SLC10A6: variants seen among roughly 807,000 people sequenced by gnomAD.
SLC10A6 encodes sodium-dependent organic anion transporter.
In SLC10A6, 27 loss-of-function variants were observed where a neutral mutation model predicts 30.0. That is an observed-to-expected ratio of 0.90 (90% confidence interval 0.66 to 1.24). SLC10A6 has a LOEUF of 1.24. SLC10A6 is among the 50% of genes most tolerant of loss of function. SLC10A6 has a pLI of 0.00. For synonymous variants in SLC10A6, 166 were observed against 173.8 expected (o/e 0.95, Z 0.36); for missense variants, 439 against 457.0 (o/e 0.96, Z 0.36).
At chr4:86,848,606 CT>C in intron 1 of SLC10A6, 132 bp downstream of exon 1, 1 of 1,202,130 alleles carries the variant, frequency 8.3e-7, no homozygotes. Context: ...CTGAACAAGT[CT>C]CTGTGATATT....
chr4:86,839,131 A>AT (rs1746249629), intron 1 of SLC10A6, among the ~76,000 whole-genome samples: 1 of 151,038 alleles, frequency 6.6e-6, no homozygotes, highest in Admixed American at 6.6e-5. Flanking sequence ...TTCTTTCATT[A>AT]TTTTTTCTTT....
At chr4:86,833,797 A>G (rs1354783693) in intron 1 of SLC10A6, among the ~76,000 whole-genome samples, 1 of 152,184 alleles carries the variant, frequency 6.6e-6, no homozygotes, top group Non-Finnish European at 1.5e-5. Context: ...AACATTATGC[A>G]ATAATAGCAC....
chr4:86,847,933 C>T (rs966122920), intron 1 of SLC10A6, among the ~76,000 whole-genome samples: 10 of 152,312 alleles, frequency 6.6e-5, no homozygotes, highest in African/African-American at 2.4e-4. Context: ...TGCTATCCCT[C>T]TACTCTTTCC....
rs370383109 is a variant in SLC10A6, at chr4:86,831,762, C to T, written c.585+30G>A. On this transcript the variant is annotated intron_variant, in intron 3 of 5. Transcript: ENST00000273905. ...TCTTTCAGGCCCCTGAGTCTGAGGA[C>T]GTGCCAACAGTGGCCATGAAGTCAC... 24 of 1,582,518 alleles carry T rather than the reference C, an allele frequency of 1.5e-5. No individual in the cohort carries two copies. In the African/African-American group the frequency reaches 1.6e-4, roughly 11 times the overall value.
Position 86,848,776 on chromosome 4 carries a change from T to A in SLC10A6, c.340A>T (p.Ile114Phe). The change falls in exon 1 of 6, where the codon ATT (isoleucine) becomes TTT (phenylalanine). Residue 114 changes from isoleucine to phenylalanine, a missense_variant. Coordinates refer to ENST00000273905, the MANE Select transcript of SLC10A6 (RefSeq NM_197965.3). The stretch of plus-strand genomic sequence containing the variant: ...TCTCCATCAACCCAGAAGGTGAAAA[T>A]GTTAGAGATGGTGCCCCCCGGGCAG... ...GCCPGGTISN[I>F]FTFWVDGDMD... 6.2e-7 allele frequency: 1 copy of A among 1,607,104 alleles called. No individual in the cohort carries two copies. Among genetic ancestry groups the A allele is most frequent in the Non-Finnish European group, 8.5e-7 (1 of 1,177,018 alleles).
intron 1 of SLC10A6, among the ~76,000 whole-genome samples, chr4:86,835,751 G>A (rs1197588272): frequency 6.6e-6 from 1 of 151,518 alleles, no homozygotes; most frequent in African/African-American, 2.4e-5. Context: ...AAGAAAGAGA[G>A]AGAGAGAGAG....
intron 1 of SLC10A6, 146 bp downstream of exon 1, chr4:86,848,593 T>C: frequency 2.7e-6 from 3 of 1,105,780 alleles, no homozygotes; most frequent in Middle Eastern, 2.8e-4. Flanking sequence ...AGCCCACCCA[T>C]GGCTGAACAA....
Position 86,849,350 on chromosome 4 carries a change from C to A in SLC10A6, c.-235G>T. ...ATAAACTGTGGTAAGTAAGGCTTTCCACTTCTGTTCTTACTCACCACTGAA... is the reference window on the plus strand; with the variant it reads ...ATAAACTGTGGTAAGTAAGGCTTTCAACTTCTGTTCTTACTCACCACTGAA... On this transcript the variant is annotated 5_prime_UTR_variant, in exon 1 of 6. Transcript: ENST00000273905. 1 of 528,718 alleles carries A rather than the reference C, an allele frequency of 1.9e-6. No homozygotes were observed. Among genetic ancestry groups the A allele is most frequent in the Non-Finnish European group, 3.3e-6 (1 of 300,226 alleles). The allele number at this position is 528,718 out of a possible 1,614,324, so 32.8% of individuals were successfully genotyped here.
rs1354748003 is a variant in SLC10A6 at position 86,844,875 on chromosome 4, GAGA to G, written c.377+3861_377+3863del. 3.9e-5 allele frequency among the ~76,000 whole-genome samples: 6 copies of G among 152,328 alleles called. No homozygotes were observed. The East Asian group carries it at 7.7e-4, about 20-fold the overall frequency. ...ACCTTCTTCACAAGGCAGCAAGAGA[GAGA>G]AGAAGAACAAAGGAGGAACTTCCAA... On this transcript the variant is annotated intron_variant, in intron 1 of 5. Coordinates refer to ENST00000273905, the MANE Select transcript of SLC10A6 (RefSeq NM_197965.3).
At chr4:86,832,039 TTA>T (rs902955161) in intron 2 of SLC10A6, among the ~76,000 whole-genome samples, 159 bp from the exon 3 acceptor site, 2 of 152,242 alleles carry the variant, frequency 1.3e-5, no homozygotes, top group Non-Finnish European at 1.5e-5. Context: ...GGCTCCAAAG[TTA>T]TATAAGCTGC....
At chr4:86,832,947 G>T (rs898509489) in intron 2 of SLC10A6, among the ~76,000 whole-genome samples, 1 of 152,064 alleles carries the variant, frequency 6.6e-6, no homozygotes, top group Non-Finnish European at 1.5e-5. Flanking sequence ...TTGCTTTATA[G>T]TCTAATTACA....
intron 3 of SLC10A6, among the ~76,000 whole-genome samples, chr4:86,829,327 C>T (rs1345069940): frequency 2.0e-5 from 3 of 152,144 alleles, no homozygotes; most frequent in African/African-American, 7.2e-5. Flanking sequence ...AGGAGAATTA[C>T]TTGAACCCAG....
intron 5 of SLC10A6, among the ~76,000 whole-genome samples, chr4:86,824,803 T>G (rs1210102467): frequency 6.6e-6 from 1 of 152,166 alleles, no homozygotes; most frequent in East Asian, 1.9e-4. Flanking sequence ...TAGCTCCCAC[T>G]TGTAAGTGAG....
In SLC10A6 at chr4:86,842,880, T is replaced by TA. The variant is rs1242095027; in HGVS notation, c.377+5858_377+5859insT. ...TTTCTTTCTTTCTTTCTTTCTTTTT[T>TA]TTTTTGAGATGGAGTCTCGCTCTGT... On this transcript the variant is annotated intron_variant, in intron 1 of 5. Coordinates refer to ENST00000273905, the MANE Select transcript of SLC10A6 (RefSeq NM_197965.3). 1.4e-4 allele frequency among the ~76,000 whole-genome samples: 16 copies of TA among 116,624 alleles called. 3 individuals carry two copies. Among genetic ancestry groups the TA allele is most frequent in the African/African-American group, 6.2e-4 (16 of 26,016 alleles). The allele number at this position is 116,624 out of a possible 152,430, so 76.5% of individuals were successfully genotyped here. A position where few individuals can be genotyped will look rare whatever the true frequency, so the allele number is the denominator to read the frequency against.
At chr4:86,844,402 CCCT>C (rs1388558534) in intron 1 of SLC10A6, among the ~76,000 whole-genome samples, 1 of 152,072 alleles carries the variant, frequency 6.6e-6, no homozygotes, top group Non-Finnish European at 1.5e-5. Context: ...AAAAAATGCC[CCCT>C]ATTCTTCACC....
At chr4:86,830,257 G>A (rs1323254802) in intron 3 of SLC10A6, among the ~76,000 whole-genome samples, 2 of 152,122 alleles carry the variant, frequency 1.3e-5, no homozygotes, top group Non-Finnish European at 2.9e-5. Context: ...TATTAGCAGG[G>A]CAGGATGGTG....
chr4:86,849,225 A>G lies in SLC10A6; in HGVS notation c.-110T>C. On this transcript the variant is annotated 5_prime_UTR_variant, in exon 1 of 6. It removes an upstream start codon present in the reference 5' UTR. Transcript: ENST00000273905. The stretch of plus-strand genomic sequence containing the variant: ...GCAACGAAGTCACACATGGAGAATC[A>G]TTCCAATAACTGTTGGCCAGCAAGG... The G allele has an allele frequency of 7.6e-7, 1 of 1,319,060 alleles. No homozygotes were observed. Among genetic ancestry groups the G allele is most frequent in the South Asian group, 1.4e-5 (1 of 70,564 alleles). The allele number at this position is 1,319,060 out of a possible 1,614,324, so 81.7% of individuals were successfully genotyped here.
intron 2 of SLC10A6, among the ~76,000 whole-genome samples, chr4:86,833,027 A>T (rs1171824506): frequency 6.6e-6 from 1 of 152,002 alleles, no homozygotes. Context: ...ATGCACTCTT[A>T]TAGGGATGAA....
chr4:86,837,221 GAGAGAGAAAGAAAGAA>G (rs1173568019), intron 1 of SLC10A6, among the ~76,000 whole-genome samples: 11 of 78,638 alleles, frequency 1.4e-4, no homozygotes, highest in South Asian at 7.9e-4. Flanking sequence ...GAGAGAGAGA[GAGAGAGAAAGAAAGAA>G]AGAAAGAAAG....
Sources: allele counts gnomAD v4.1 joint callset (sites outside exome capture counted in the v4.1 genomes callset), GRCh38; gene constraint gnomAD v4.1.1; transcripts MANE v1.5; gene names NCBI Gene and HGNC (gene_info 2026-07-23, HGNC 2026-07-21).